DLAT: variants seen among roughly 807,000 people sequenced by gnomAD.
DLAT encodes the protein dihydrolipoamide S-acetyltransferase.
Under a neutral mutation model 68.0 loss-of-function variants are expected in DLAT, and 43 were observed. The observed-to-expected ratio is 0.63, with a 90% CI of 0.50 to 0.81. DLAT has a LOEUF of 0.81. Ranked by LOEUF, DLAT falls within the 40% of genes least tolerant of loss-of-function variation. DLAT has a pLI of 0.00. For missense variants in DLAT, 745 were observed against 815.4 expected, an observed-to-expected ratio of 0.91 and a Z score of 1.05; for synonymous variants, 265 against 288.6, an observed-to-expected ratio of 0.92 and a Z score of 0.83.
Position 112,062,450 on chromosome 11 carries a change from A to C in DLAT, c.1859A>C (p.His620Pro), listed in dbSNP as rs1467522118. 2 of 1,612,646 alleles carry C rather than the reference A, an allele frequency of 1.2e-6. No homozygotes were observed. Among genetic ancestry groups the C allele is most frequent in the Non-Finnish European group, 1.7e-6 (2 of 1,180,002 alleles). The change falls in exon 14 of 14, where the codon CAC (histidine) becomes CCC (proline). Residue 620 changes from histidine (H) to proline (P), a missense_variant. Coordinates refer to ENST00000280346, the MANE Select transcript of DLAT (RefSeq NM_001931.5). ...ATGTCTGTTACACTCAGTTGTGATC[A>C]CCGGGTGGTGGATGGAGCAGTTGGA... ...SMMSVTLSCDHRVVDGAVGAQ... is the reference protein window; with the variant it reads ...SMMSVTLSCDPRVVDGAVGAQ...
intron 12 of DLAT, 149 bp from the exon 13 acceptor site, chr11:112,060,889 G>A: frequency 1.5e-6 from 1 of 647,936 alleles, no homozygotes; most frequent in Non-Finnish European, 2.6e-6. Flanking sequence ...ATATTGTAAT[G>A]GTTGTATATC....
chr11:112,055,873 TTTTTTTTTTTTTTG>T (rs1413991024), intron 11 of DLAT, among the ~76,000 whole-genome samples: 2 of 113,974 alleles, frequency 1.8e-5, no homozygotes, highest in African/African-American at 7.2e-5. Flanking sequence ...TTTTTTTTTT[TTTTTTTTTTTTTTG>T]AGGTGGAGTC....
At chr11:112,047,818 G>T (rs1863402985) in intron 10 of DLAT, among the ~76,000 whole-genome samples, 1 of 152,044 alleles carries the variant, frequency 6.6e-6, no homozygotes, top group Non-Finnish European at 1.5e-5. Flanking sequence ...TGTTCCATTG[G>T]TCTATATATC....
chr11:112,061,195 G>GA, intron 13 of DLAT, 21 bp downstream of exon 13: 1 of 1,613,750 alleles, frequency 6.2e-7, no homozygotes. Context: ...AAATGGAGGG[G>GA]AAGTCGTAAG....
At position 112,051,259 on chromosome 11, in the gene DLAT, C is replaced by T; in HGVS notation, c.1424C>T (p.Ser475Phe). The T allele has an allele frequency of 6.2e-7, 1 of 1,612,640 alleles. No homozygotes were observed. Among genetic ancestry groups the T allele is most frequent in the Non-Finnish European group, 8.5e-7 (1 of 1,179,824 alleles). Residue 475 changes from serine (S) to phenylalanine (F), a missense_variant, in exon 11 of 14, where the codon TCT (serine) becomes TTT (phenylalanine). Transcript: ENST00000280346. The surrounding 1 kb of genome is among the most constrained non-coding windows in gnomAD (Gnocchi z 4.3). ...ATATTAGAAGGGAGAAGCAAAATTT[C>T]TGTCAATGACTTCATCATAAAAGCT... is the stretch of plus-strand genomic sequence containing the variant. ...NKILEGRSKISVNDFIIKASA... is the reference protein window; with the variant it reads ...NKILEGRSKIFVNDFIIKASA...
In DLAT at chr11:112,037,431, C is replaced by G; in HGVS notation, c.946C>G (p.Pro316Ala). Residue 316 changes from proline to alanine, a missense_variant, in exon 6 of 14, where the codon CCA becomes GCA. Pro to Ala is a conservative substitution (Grantham distance 27). Coordinates refer to ENST00000280346, the MANE Select transcript of DLAT (RefSeq NM_001931.5). The part of the protein sequence containing the change: ...YRPTEVTDLK[P>A]QVPPPTPPPV... Reference sequence around the variant, plus strand: ...GCCAACCGAAGTAACAGATTTAAAACCACAAGTGCCACCACCTACCCCACC... The same window carrying G: ...GCCAACCGAAGTAACAGATTTAAAAGCACAAGTGCCACCACCTACCCCACC... 1 of 1,614,188 alleles carries G rather than the reference C, an allele frequency of 6.2e-7. No homozygotes were observed. The highest frequency in any genetic ancestry group is 8.5e-7 in the Non-Finnish European group (1 of 1,180,044).
intron 2 of DLAT, among the ~76,000 whole-genome samples, chr11:112,027,076 G>A (rs1439592449): frequency 3.3e-5 from 5 of 151,610 alleles, no homozygotes; most frequent in African/African-American, 4.9e-5. Context: ...GGTGGCTGCC[G>A]GGCGGAGACG....
chr11:112,064,026 T>C lies in DLAT; in HGVS notation c.*1491T>C. 7.0e-6 allele frequency: 5 copies of C among 717,032 alleles called. No homozygotes were observed. Among genetic ancestry groups the C allele is most frequent in the Non-Finnish European group, 1.1e-5 (5 of 454,698 alleles). The allele number at this position is 717,032 out of a possible 1,614,324, so 44.4% of individuals were successfully genotyped here. On this transcript the variant is annotated 3_prime_UTR_variant, in exon 14 of 14. Transcript: ENST00000280346. The stretch of plus-strand genomic sequence containing the variant: ...GACACTCCATATATTCCACACAGAC[T>C]TTTACCTTGCTGTATTATTATGAAA...
At chr11:112,043,419 G>A (rs1048106738) in intron 7 of DLAT, 47 bp from the exon 8 acceptor site, 36 of 1,558,350 alleles carry the variant, frequency 2.3e-5, no homozygotes, top group African/African-American at 4.1e-5. Context: ...TCTCCTTGGG[G>A]AACCAATGGT....
chr11:112,045,711 G>A, intron 9 of DLAT, 152 bp from the exon 10 acceptor site: 1 of 598,230 alleles, frequency 1.7e-6, no homozygotes. Flanking sequence ...AATCTAGGAG[G>A]TGTTATATTA....
intron 1 of DLAT, 79 bp downstream of exon 1, chr11:112,025,830 G>A: frequency 6.4e-7 from 1 of 1,554,280 alleles, no homozygotes; most frequent in East Asian, 2.3e-5. Context: ...TCCTTGAGAG[G>A]CCTCACTGAT....
chr11:112,046,778 C>T (rs968871414), intron 10 of DLAT, among the ~76,000 whole-genome samples: 1 of 151,698 alleles, frequency 6.6e-6, no homozygotes, highest in Non-Finnish European at 1.5e-5. Flanking sequence ...CATCCATGTC[C>T]CTGCAAAGGA....
Position 112,062,634 on chromosome 11 carries a change from G to T in DLAT, c.*99G>T. 1 of 1,385,006 alleles carries T rather than the reference G, an allele frequency of 7.2e-7. No homozygotes were observed. 85.8% of individuals were successfully genotyped at this position (1,385,006 alleles called of 1,614,324 possible). A position where few individuals can be genotyped will look rare whatever the true frequency, so the allele number is the denominator to read the frequency against. On this transcript the variant is annotated 3_prime_UTR_variant, in exon 14 of 14. Coordinates refer to ENST00000280346, the MANE Select transcript of DLAT (RefSeq NM_001931.5). ...CAGGTGGTTCTTTTTATTTTAACCA[G>T]TTATTTTTATTATTGAGTCTGTCCA...
intron 10 of DLAT, among the ~76,000 whole-genome samples, chr11:112,050,765 G>C (rs1863574445): frequency 1.3e-5 from 2 of 152,152 alleles, no homozygotes; most frequent in Admixed American, 1.3e-4. Flanking sequence ...GTTGTCATTT[G>C]ATTGATCTTT....
At position 112,041,701 on chromosome 11, in the gene DLAT, G is replaced by GA. The variant is rs587761535; in HGVS notation, c.1130-1762dup. Among the ~76,000 whole-genome samples the GA allele has an allele frequency of 6.4e-3, 971 of 152,282 alleles. 8 individuals carry two copies. The highest frequency in any genetic ancestry group is 9.4e-3 in the Non-Finnish European group (641 of 68,020). On this transcript the variant is annotated intron_variant, in intron 7 of 13. Transcript: ENST00000280346. ...TGGAGACCATCCTGGCTAACACGGT[G>GA]AAACCTCGTCTCTACTAAAAATACA...
chr11:112,029,864 C>A, intron 4 of DLAT: 1 of 617,262 alleles, frequency 1.6e-6, no homozygotes, highest in East Asian at 4.2e-5. Flanking sequence ...GAGATCACCA[C>A]AGTAGTTTGG....
At chr11:112,031,822 C>A (rs587680128) in intron 4 of DLAT, among the ~76,000 whole-genome samples, 9 of 147,848 alleles carry the variant, frequency 6.1e-5, no homozygotes, top group Non-Finnish European at 1.3e-4. Flanking sequence ...TCAAGTGATC[C>A]TCCTGCATCA....
At chr11:112,033,637 A>G (rs1253698568) in intron 5 of DLAT, 107 bp downstream of exon 5, 2 of 1,243,236 alleles carry the variant, frequency 1.6e-6, no homozygotes, top group Admixed American at 4.1e-5. Flanking sequence ...AAACTTTATA[A>G]TTCTTAGGAT....
Position 112,063,593 on chromosome 11 carries a change from A to G in DLAT, c.*1058A>G, listed in dbSNP as rs1864773622. ...TGGTAATTTCTACTTTGATAAAGTA[A>G]AAAAGTTAAATGTGTGTAAAAAAGT... On this transcript the variant is annotated 3_prime_UTR_variant, in exon 14 of 14. Transcript: ENST00000280346. 6.6e-6 allele frequency: 1 copy of G among 152,498 alleles called. No individual in the cohort carries two copies. The highest frequency in any genetic ancestry group is 2.4e-5 in the African/African-American group (1 of 41,476). 9.4% of individuals were successfully genotyped at this position (152,498 alleles called of 1,614,324 possible). A position where few individuals can be genotyped will look rare whatever the true frequency, so the allele number is the denominator to read the frequency against.
Sources: allele counts gnomAD v4.1 joint callset (sites outside exome capture counted in the v4.1 genomes callset), GRCh38; gene constraint gnomAD v4.1.1; non-coding constraint Gnocchi (gnomAD v3.1); transcripts MANE v1.5; gene names NCBI Gene and HGNC (gene_info 2026-07-23, HGNC 2026-07-21).